GSTCD: variants seen among roughly 807,000 people sequenced by gnomAD.
GSTCD encodes glutathione S-transferase C-terminal domain containing.
GSTCD carries 44 observed loss-of-function variants against 68.3 expected under a neutral mutation model. The ratio of observed to expected loss-of-function variants is 0.64; its 90% CI spans 0.51 to 0.83. The LOEUF is 0.83. Ranked by LOEUF, GSTCD falls within the 40% of genes least tolerant of loss-of-function variation. GSTCD has a pLI of 0.00. For synonymous variants in GSTCD, 273 were observed against 255.2 expected, an observed-to-expected ratio of 1.07 and a Z score of -0.67; for missense variants, 739 against 735.9, an observed-to-expected ratio of 1.00 and a Z score of -0.05.
chr4:105,729,365 A>G (rs1451348519), intron 4 of GSTCD, 41 bp from the exon 5 acceptor site: 2 of 1,289,846 alleles, frequency 1.6e-6, no homozygotes, highest in African/African-American at 1.5e-5. Flanking sequence ...ATAAGACTAT[A>G]TTAATTCCTT....
At chr4:105,842,242 C>A in intron 11 of GSTCD, 108 bp downstream of exon 11, 1 of 750,046 alleles carries the variant, frequency 1.3e-6, no homozygotes, top group Non-Finnish European at 2.3e-6. Flanking sequence ...GTCTATTTTT[C>A]AATGAGAAAC....
At chr4:105,752,764 A>G (rs1204356802) in intron 5 of GSTCD, among the ~76,000 whole-genome samples, 1 of 152,090 alleles carries the variant, frequency 6.6e-6, no homozygotes, top group East Asian at 1.9e-4. Flanking sequence ...TATCCATTCA[A>G]AGGTATACTT....
At chr4:105,716,441 G>A (rs1326128969) in intron 1 of GSTCD, among the ~76,000 whole-genome samples, 1 of 152,168 alleles carries the variant, frequency 6.6e-6, no homozygotes, top group African/African-American at 2.4e-5. Flanking sequence ...CCTGGGCCCA[G>A]GACTAGTATC....
intron 5 of GSTCD, among the ~76,000 whole-genome samples, chr4:105,782,870 T>C (rs192819634): frequency 6.6e-6 from 1 of 152,358 alleles, no homozygotes; most frequent in African/African-American, 2.4e-5. Flanking sequence ...TTCAGGACTT[T>C]CACTTTAAGT....
chr4:105,754,294 C>T (rs1042056673), intron 5 of GSTCD, among the ~76,000 whole-genome samples: 3 of 151,972 alleles, frequency 2.0e-5, no homozygotes, highest in African/African-American at 4.8e-5. Flanking sequence ...TTAAACAATA[C>T]AGTTGTCTAA....
chr4:105,815,230 A>C (rs1722927414), intron 5 of GSTCD: 1 of 152,172 alleles, frequency 6.6e-6, no homozygotes, highest in African/African-American at 2.4e-5. Context: ...TTCTCCATAC[A>C]GCATCAGCAG....
intron 5 of GSTCD, among the ~76,000 whole-genome samples, chr4:105,772,461 T>G (rs1276571018): frequency 2.0e-5 from 3 of 152,200 alleles, no homozygotes; most frequent in Non-Finnish European, 4.4e-5. Context: ...GCTTCCAGCT[T>G]TTGCCTATTC....
intron 5 of GSTCD, among the ~76,000 whole-genome samples, chr4:105,822,035 A>G (rs1723319315): frequency 1.3e-5 from 2 of 152,096 alleles, no homozygotes; most frequent in South Asian, 2.1e-4. Flanking sequence ...TTAATTTTTT[A>G]TCAAACCAAA....
chr4:105,842,174 A>C (rs1458178349), intron 11 of GSTCD, 40 bp downstream of exon 11: 1 of 1,493,508 alleles, frequency 6.7e-7, no homozygotes, highest in Admixed American at 1.7e-5. Flanking sequence ...TGTATTATGC[A>C]CAATATGACT....
chr4:105,820,819 G>A (rs1429464219), intron 5 of GSTCD, among the ~76,000 whole-genome samples: 3 of 151,736 alleles, frequency 2.0e-5, no homozygotes, highest in Non-Finnish European at 4.4e-5. Flanking sequence ...AAGAAAAATA[G>A]ATCTCTATCA....
At chr4:105,823,315 T>C (rs1206774413) in intron 7 of GSTCD, 40 bp downstream of exon 7, 2 of 1,601,564 alleles carry the variant, frequency 1.2e-6, no homozygotes, top group Admixed American at 1.7e-5. Context: ...TATTTTAAAA[T>C]TATACAGTTC....
chr4:105,807,550 A>T (rs541772685), intron 5 of GSTCD, among the ~76,000 whole-genome samples: 1 of 152,204 alleles, frequency 6.6e-6, no homozygotes, highest in Non-Finnish European at 1.5e-5. Context: ...TTTGAAAAAG[A>T]ATCTATTCTA....
intron 5 of GSTCD, among the ~76,000 whole-genome samples, chr4:105,734,689 C>T (rs184546176): frequency 1.8e-3 from 268 of 152,370 alleles, no homozygotes; most frequent in African/African-American, 6.1e-3. Flanking sequence ...TCGTCAAAGT[C>T]ATTCTCTGTC....
chr4:105,759,978 A>C (rs1734339035), intron 5 of GSTCD, among the ~76,000 whole-genome samples: 1 of 152,140 alleles, frequency 6.6e-6, no homozygotes, highest in South Asian at 2.1e-4. Flanking sequence ...ATTGGTAGTT[A>C]TTTCGCAGTC....
In GSTCD at chr4:105,726,848, T is replaced by C; in HGVS notation, c.1146+18T>C. 6.4e-7 allele frequency: 1 copy of C among 1,566,608 alleles called. No individual in the cohort carries two copies. The highest frequency in any genetic ancestry group is 1.2e-5 in the South Asian group (1 of 83,380). On this transcript the variant is annotated intron_variant, in intron 4 of 11. Transcript: ENST00000515279. ...AGTTAATGGTACTTAATTATTAACATTTTCTTTGAAAAATTCTATGTGATA... is the reference window on the plus strand; with the variant it reads ...AGTTAATGGTACTTAATTATTAACACTTTCTTTGAAAAATTCTATGTGATA...
At chr4:105,762,050 A>G (rs1734430833) in intron 5 of GSTCD, among the ~76,000 whole-genome samples, 1 of 152,188 alleles carries the variant, frequency 6.6e-6, no homozygotes, top group African/African-American at 2.4e-5. Flanking sequence ...TTTGTTGTCA[A>G]ATTGGAAGTG....
intron 5 of GSTCD, among the ~76,000 whole-genome samples, chr4:105,770,346 T>C (rs1316741953): frequency 1.4e-5 from 2 of 147,156 alleles, no homozygotes; most frequent in Non-Finnish European, 3.0e-5. Flanking sequence ...AAATTAACTG[T>C]CTGTTCCTTA....
intron 5 of GSTCD, among the ~76,000 whole-genome samples, chr4:105,800,980 T>C (rs183221253): frequency 1.4e-3 from 218 of 152,236 alleles, no homozygotes; most frequent in Admixed American, 5.0e-3. Context: ...ATAAATTTTC[T>C]CTATAAGGCA....
At chr4:105,813,595 A>G (rs1480125019) in intron 5 of GSTCD, among the ~76,000 whole-genome samples, 3 of 152,188 alleles carry the variant, frequency 2.0e-5, no homozygotes, top group Non-Finnish European at 2.9e-5. Context: ...AACCCAAAAT[A>G]CTTCTGGTCC....
Sources: gnomAD v4.1 joint callset for allele counts (sites outside exome capture counted in the v4.1 genomes callset) on GRCh38, gnomAD v4.1.1 for gene constraint, MANE v1.5 for transcripts, NCBI Gene and HGNC (gene_info 2026-07-23, HGNC 2026-07-21) for gene names.